PSG11: variants seen among roughly 807,000 people sequenced by gnomAD.
The protein encoded by PSG11 is pregnancy specific beta-1-glycoprotein 11.
Under a neutral mutation model 36.0 loss-of-function variants are expected in PSG11, and 42 were observed. That is an observed-to-expected ratio of 1.17 (90% confidence interval 0.91 to 1.51). PSG11 has a LOEUF of 1.51. Among genes scored for constraint, PSG11 ranks in the 40% most tolerant of loss-of-function variants. PSG11 has a pLI of 0.00. For synonymous variants in PSG11, 206 were observed against 153.5 expected, an observed-to-expected ratio of 1.34 and a Z score of -2.53; for missense variants, 558 against 403.5, an observed-to-expected ratio of 1.38 and a Z score of -3.28.
In PSG11 at chr19:43,022,115, A is replaced by G. The variant is rs143474530; in HGVS notation, c.430+2576T>C. Reference sequence around the variant, plus strand: ...GCCTTTGTCAAACTAGTGAAAGACCATGAGATTTAGATTATAAGAGGGAAC... The same window carrying G: ...GCCTTTGTCAAACTAGTGAAAGACCGTGAGATTTAGATTATAAGAGGGAAC... On this transcript the variant is annotated intron_variant, in intron 2 of 5. Transcript: ENST00000320078. Among the ~76,000 whole-genome samples, 36 of 151,672 alleles carry G rather than the reference A, an allele frequency of 2.4e-4. 1 individual carries two copies. In the East Asian group the frequency reaches 5.4e-3, roughly 23 times the overall value.
rs1229303232 is a variant in PSG11 at position 43,019,192 on chromosome 19, G to A, written c.431-144C>T. 121 of 1,475,252 alleles carry A rather than the reference G, an allele frequency of 8.2e-5. 2 individuals are homozygous for A. Among genetic ancestry groups the A allele is most frequent in the Middle Eastern group, 2.5e-4 (1 of 4,056 alleles). The allele number at this position is 1,475,252 out of a possible 1,614,324, so 91.4% of individuals were successfully genotyped here. A position where few individuals can be genotyped will look rare whatever the true frequency, so the allele number is the denominator to read the frequency against. On this transcript the variant is annotated intron_variant, in intron 2 of 5. Coordinates refer to ENST00000320078, the MANE Select transcript of PSG11 (RefSeq NM_002785.3). ...TGGCAGGTGTGTGTGTTACAACACA[G>A]ATGCATGGCATTCTGAAGGCTAAGA...
At position 43,024,889 on chromosome 19, in the gene PSG11, A is replaced by C. The variant is rs757979887; in HGVS notation, c.232T>G (p.Tyr78Asp). ...YKGQIRDLYHYITSYVVDGQI... is the reference protein window; with the variant it reads ...YKGQIRDLYHDITSYVVDGQI... ...CCGTCTACTACATATGATGTAATGT[A>C]ATGGTAGAGGTCCCTGATTTGCCCT... Residue 78 changes from tyrosine to aspartate, a missense_variant, in exon 2 of 6, where the codon TAC (tyrosine) becomes GAC (aspartate). Transcript: ENST00000320078. The C allele has an allele frequency of 2.2e-5, 36 of 1,611,626 alleles. 2 individuals carry two copies. In the Admixed American group the frequency reaches 2.3e-4, roughly 10 times the overall value.
chr19:43,015,052 T>C (rs1966923502), intron 4 of PSG11, 64 bp downstream of exon 4: 1 of 1,609,664 alleles, frequency 6.2e-7, no homozygotes, highest in Admixed American at 1.7e-5. Flanking sequence ...TTCCTGACTC[T>C]TCTCTGAAAG....
At chr19:43,026,043 G>C (rs1471167099) in intron 1 of PSG11, among the ~76,000 whole-genome samples, 9 of 139,830 alleles carry the variant, frequency 6.4e-5, no homozygotes, top group African/African-American at 2.4e-4. Flanking sequence ...CCTGGTTCAC[G>C]TGATTCTCCT....
intron 2 of PSG11, among the ~76,000 whole-genome samples, chr19:43,021,406 C>A (rs1052823791): frequency 6.6e-6 from 1 of 151,222 alleles, no homozygotes; most frequent in African/African-American, 2.4e-5. Context: ...GGCTGGAGTG[C>A]AGTGGCATGA....
intron 3 of PSG11, chr19:43,017,240 T>C (rs1270407996): frequency 6.6e-6 from 1 of 151,492 alleles, no homozygotes; most frequent in African/African-American, 2.4e-5. Flanking sequence ...GTGTTTTGGA[T>C]TTCTGACATT....
intron 3 of PSG11, chr19:43,017,306 A>G (rs1461447828): frequency 1.3e-5 from 2 of 151,586 alleles, no homozygotes; most frequent in African/African-American, 2.4e-5. Context: ...CAAATCTGAA[A>G]GATTCAAAAT....
At chr19:43,016,042 T>C (rs775808004) in intron 3 of PSG11, 1 of 1,608,696 alleles carries the variant, frequency 6.2e-7, no homozygotes, top group African/African-American at 1.3e-5. Context: ...CATGGGCAGC[T>C]TTGCTGTGTG....
intron 4 of PSG11, among the ~76,000 whole-genome samples, chr19:43,012,885 C>A (rs1048943487): frequency 1.3e-5 from 2 of 151,376 alleles, no homozygotes; most frequent in African/African-American, 4.9e-5. Flanking sequence ...TCAGCATTTA[C>A]TACAAAGCCC....
intron 4 of PSG11, among the ~76,000 whole-genome samples, chr19:43,011,206 T>C (rs1599668117): frequency 6.6e-6 from 1 of 151,172 alleles, no homozygotes; most frequent in African/African-American, 2.4e-5. Context: ...TCTTGTTTCA[T>C]TGACTGCATG....
At chr19:43,025,701 T>G (rs1476973039) in intron 1 of PSG11, among the ~76,000 whole-genome samples, 2 of 120,386 alleles carry the variant, frequency 1.7e-5, no homozygotes, top group Non-Finnish European at 3.4e-5. Context: ...TTGAGGACAG[T>G]GTTTCATGCC....
At chr19:43,022,909 T>G in intron 2 of PSG11, among the ~76,000 whole-genome samples, 1 of 148,828 alleles carries the variant, frequency 6.7e-6, no homozygotes. Flanking sequence ...TTAGAGGGAG[T>G]GTCTGGGGAA....
At chr19:43,016,672 G>A (rs1347788997) in intron 3 of PSG11, among the ~76,000 whole-genome samples, 4 of 151,444 alleles carry the variant, frequency 2.6e-5, no homozygotes, top group Non-Finnish European at 4.4e-5. Context: ...TGACTTACTT[G>A]AACCAGTGAC....
rs1011760654 is a variant in PSG11, at chr19:43,017,155, C to T, written c.709+1615G>A. 25 of 151,250 alleles carry T rather than the reference C, an allele frequency of 1.7e-4. 1 individual carries two copies. The highest frequency in any genetic ancestry group is 4.9e-4 in the African/African-American group (20 of 40,958). 9.4% of individuals were successfully genotyped at this position (151,250 alleles called of 1,614,324 possible). ...TTCCGTTATACAAGTTGGGGAGTTT[C>T]TAGAGATCTGCTGTAGAGCTTGATG... On this transcript the variant is annotated intron_variant, in intron 3 of 5. Transcript: ENST00000320078.
chr19:43,018,731 G>A, intron 3 of PSG11, 39 bp downstream of exon 3: 1 of 1,612,054 alleles, frequency 6.2e-7, no homozygotes, highest in Non-Finnish European at 8.5e-7. Context: ...GTGTATTTGG[G>A]ATGGCAGCCT....
rs55808035 is a variant in PSG11, at chr19:43,022,074, A to G, written c.430+2617T>C. Among the ~76,000 whole-genome samples the G allele has an allele frequency of 4.6e-3, 690 of 151,642 alleles. 30 individuals are homozygous for G. The highest frequency in any genetic ancestry group is 0.016 in the African/African-American group (649 of 41,206). Reference sequence around the variant, plus strand: ...GTTCCTCCATAAAACTAACACCCTTACTTTGCCCAGGGACTGCCTTTGTCA... The same window carrying G: ...GTTCCTCCATAAAACTAACACCCTTGCTTTGCCCAGGGACTGCCTTTGTCA... On this transcript the variant is annotated intron_variant, in intron 2 of 5. Transcript: ENST00000320078.
rs545374385 is a variant in PSG11 at position 43,024,363 on chromosome 19, C to T, written c.430+328G>A. On this transcript the variant is annotated intron_variant, in intron 2 of 5. Transcript: ENST00000320078. Reference sequence around the variant, plus strand: ...TCTCAGGGGCCCCTCAGGTCAAATTCTACTCAGTTCTCCAGGGTCTTTCTC... The same window carrying T: ...TCTCAGGGGCCCCTCAGGTCAAATTTTACTCAGTTCTCCAGGGTCTTTCTC... 3.2e-4 allele frequency: 139 copies of T among 438,816 alleles called. 3 individuals are homozygous for T. In the South Asian group the frequency reaches 4.2e-3, roughly 13 times the overall value. 27.2% of individuals were successfully genotyped at this position (438,816 alleles called of 1,614,324 possible).
Position 43,025,306 on chromosome 19 carries a change from C to G in PSG11, c.65-250G>C, listed in dbSNP as rs747694413. On this transcript the variant is annotated intron_variant, in intron 1 of 5. Transcript: ENST00000320078. ...CCCCCATTCCTTCAACACTTCTGACCTTGGCATTTTTCTGTTTGGAATCCT... is the reference window on the plus strand; with the variant it reads ...CCCCCATTCCTTCAACACTTCTGACGTTGGCATTTTTCTGTTTGGAATCCT... The G allele has an allele frequency of 6.3e-4, 430 of 679,342 alleles. 3 individuals carry two copies. Among genetic ancestry groups the G allele is most frequent in the Non-Finnish European group, 5.8e-4 (259 of 447,844 alleles). The allele number at this position is 679,342 out of a possible 1,614,324, so 42.1% of individuals were successfully genotyped here. A position where few individuals can be genotyped will look rare whatever the true frequency, so the allele number is the denominator to read the frequency against.
In PSG11 at chr19:43,018,907, T is replaced by C. The variant is rs377058624; in HGVS notation, c.572A>G (p.His191Arg). 7.6e-5 allele frequency: 123 copies of C among 1,611,968 alleles called. 5 individuals are homozygous for C. Among genetic ancestry groups the C allele is most frequent in the Non-Finnish European group, 1.0e-4 (121 of 1,179,108 alleles). The part of the protein sequence containing the change: ...WMNGQSLPMT[H>R]RMQLSETNRT... The stretch of plus-strand genomic sequence containing the variant: ...GTTGGTTTCAGACAGCTGCATCCTA[T>C]GAGTCATAGGGAGGCTCTGACCATT... The change falls in exon 3 of 6, where the codon CAT becomes CGT. Residue 191 changes from histidine (H) to arginine (R), a missense_variant. Physicochemically the swap from His to Arg is conservative, Grantham distance 29. Coordinates refer to ENST00000320078, the MANE Select transcript of PSG11 (RefSeq NM_002785.3).
Sources: gnomAD v4.1 joint callset for allele counts (sites outside exome capture counted in the v4.1 genomes callset) on GRCh38, gnomAD v4.1.1 for gene constraint, MANE v1.5 for transcripts, NCBI Gene and HGNC (gene_info 2026-07-23, HGNC 2026-07-21) for gene names.